Variants in TRPM3 observed in about 807,000 individuals in gnomAD.
TRPM3 encodes transient receptor potential cation channel subfamily M member 3.
TRPM3 carries 77 observed loss-of-function variants against 181.2 expected under a neutral mutation model. That is an observed-to-expected ratio of 0.42 (90% CI 0.35 to 0.51). The LOEUF (loss-of-function observed/expected upper bound fraction) is 0.51, where lower values mean the gene tolerates loss of function less well. Ranked by LOEUF, TRPM3 falls within the 20% of genes least tolerant of loss-of-function variation. TRPM3 has a pLI of 0.01. For synonymous variants in TRPM3, 745 were observed against 796.4 expected, an observed-to-expected ratio of 0.94 and a Z score of 1.09; for missense variants, 1,759 against 2,196.7, an observed-to-expected ratio of 0.80 and a Z score of 3.98.
chr9:71,281,943 C>A (rs2084742713), intron 1 of TRPM3, among the ~76,000 whole-genome samples: 1 of 152,090 alleles, frequency 6.6e-6, no homozygotes, highest in Non-Finnish European at 1.5e-5. Context: ...TGCCTGTAAT[C>A]CTGGCTACTC....
chr9:70,977,241 T>C (rs1380958945), intron 1 of TRPM3, among the ~76,000 whole-genome samples: 1 of 152,184 alleles, frequency 6.6e-6, no homozygotes, highest in African/African-American at 2.4e-5. Context: ...TTCAAGTGAT[T>C]CTCCTGCCTC....
chr9:71,197,333 G>A (rs1176388242), intron 1 of TRPM3, among the ~76,000 whole-genome samples: 1 of 152,034 alleles, frequency 6.6e-6, no homozygotes, highest in Non-Finnish European at 1.5e-5. Flanking sequence ...ATAAACATAC[G>A]TGTGCATGTG....
intron 1 of TRPM3, among the ~76,000 whole-genome samples, chr9:71,283,020 A>G (rs1453278626): frequency 1.3e-5 from 2 of 151,758 alleles, no homozygotes; most frequent in South Asian, 2.1e-4. Context: ...CCTTTCTTGG[A>G]CTCCTATCAA....
chr9:70,907,710 C>T (rs888794602), intron 1 of TRPM3, among the ~76,000 whole-genome samples: 3 of 152,080 alleles, frequency 2.0e-5, no homozygotes, highest in Admixed American at 6.5e-5. Flanking sequence ...CTTTCTTTAT[C>T]CCCCCTTTTC....
At chr9:70,819,592 A>C (rs777112929) in intron 6 of TRPM3, among the ~76,000 whole-genome samples, 1 of 152,234 alleles carries the variant, frequency 6.6e-6, no homozygotes, top group Non-Finnish European at 1.5e-5. Context: ...GCAAACTTTG[A>C]AAGTAGCAAA....
intron 9 of TRPM3, among the ~76,000 whole-genome samples, chr9:70,680,238 A>G (rs2065085787): frequency 6.6e-6 from 1 of 152,192 alleles, no homozygotes; most frequent in Non-Finnish European, 1.5e-5. Context: ...AACTTCCTGT[A>G]GCTCAACTTA....
intron 1 of TRPM3, among the ~76,000 whole-genome samples, chr9:71,267,819 T>C (rs115964475): frequency 6.6e-6 from 1 of 152,320 alleles, no homozygotes; most frequent in African/African-American, 2.4e-5. Context: ...CAGTGGATAA[T>C]ACGTGATGAG....
intron 9 of TRPM3, among the ~76,000 whole-genome samples, chr9:70,653,104 G>A (rs1048370307): frequency 1.3e-5 from 2 of 152,150 alleles, no homozygotes; most frequent in Non-Finnish European, 2.9e-5. Context: ...CATGATGGAT[G>A]AGATCCTAGA....
chr9:71,024,110 GA>G (rs1375736572), intron 1 of TRPM3, among the ~76,000 whole-genome samples: 3 of 152,054 alleles, frequency 2.0e-5, no homozygotes, highest in African/African-American at 7.2e-5. Flanking sequence ...TCAGGGAAAG[GA>G]TACACGAGAT....
chr9:71,135,886 T>C (rs1387509801), intron 1 of TRPM3, among the ~76,000 whole-genome samples: 4 of 152,238 alleles, frequency 2.6e-5, no homozygotes, highest in Non-Finnish European at 2.9e-5. Context: ...CATTATTTAT[T>C]GTTTGCTGAG....
At chr9:70,647,054 TC>T (rs2058978229) in intron 9 of TRPM3, among the ~76,000 whole-genome samples, 1 of 151,826 alleles carries the variant, frequency 6.6e-6, no homozygotes, top group Admixed American at 6.6e-5. Flanking sequence ...TAACAAAAAA[TC>T]TACCAACAAG....
chr9:70,532,174 A>G lies in TRPM3; in HGVS notation c.*3779T>C, dbSNP rs2040967872. The G allele has an allele frequency of 6.6e-6, 1 of 152,212 alleles. No homozygotes were observed. Among genetic ancestry groups the G allele is most frequent in the African/African-American group, 2.4e-5 (1 of 41,462 alleles). 9.4% of individuals were successfully genotyped at this position (152,212 alleles called of 1,614,324 possible). ...GATGGATGACCGGGTAATATTTATCATCTTTAAAGAAATTAAACAGCCCAA... is the reference window on the plus strand; with the variant it reads ...GATGGATGACCGGGTAATATTTATCGTCTTTAAAGAAATTAAACAGCCCAA... On this transcript the variant is annotated 3_prime_UTR_variant, in exon 26 of 26. Transcript: ENST00000677713.
chr9:70,760,697 C>T (rs1419458973), intron 8 of TRPM3: 2 of 147,730 alleles, frequency 1.4e-5, no homozygotes, highest in African/African-American at 5.0e-5. Flanking sequence ...ATTTTGCTAT[C>T]TCTCTCAGCA....
rs112707033 is a variant in TRPM3 at position 70,547,250 on chromosome 9, T to C, written c.3707+2292A>G. On this transcript the variant is annotated intron_variant, in intron 25 of 25. Coordinates refer to ENST00000677713, the MANE Select transcript of TRPM3 (RefSeq NM_001366145.2). ...ATAGAATATACACAGCTAATTTAGG[T>C]AAATTTAACCATATATACCTTTCCA... Among the ~76,000 whole-genome samples, 20 of 152,208 alleles carry C rather than the reference T, an allele frequency of 1.3e-4. 1 individual carries two copies. Among genetic ancestry groups the C allele is most frequent in the African/African-American group, 4.8e-4 (20 of 41,546 alleles).
chr9:71,394,852 T>C (rs2093152400), intron 1 of TRPM3, among the ~76,000 whole-genome samples: 1 of 152,222 alleles, frequency 6.6e-6, no homozygotes, highest in Non-Finnish European at 1.5e-5. Context: ...CTCCTGTTAC[T>C]TGGCATCATA....
At chr9:71,340,574 C>T (rs1565479082) in intron 1 of TRPM3, among the ~76,000 whole-genome samples, 1 of 152,070 alleles carries the variant, frequency 6.6e-6, no homozygotes, top group African/African-American at 2.4e-5. Flanking sequence ...TGTCTTTCAC[C>T]TTCCACCATG....
intron 1 of TRPM3, among the ~76,000 whole-genome samples, chr9:71,351,961 C>T (rs574056475): frequency 4.0e-5 from 6 of 151,056 alleles, no homozygotes; most frequent in South Asian, 2.1e-4. Flanking sequence ...CTGCAAGCTC[C>T]GCCTCCTGGG....
intron 1 of TRPM3, among the ~76,000 whole-genome samples, chr9:71,377,816 T>C (rs989448595): frequency 6.6e-6 from 1 of 152,048 alleles, no homozygotes; most frequent in Admixed American, 6.6e-5. Flanking sequence ...TTTGTGAACA[T>C]ATTAAAAAAA....
intron 8 of TRPM3, among the ~76,000 whole-genome samples, chr9:70,739,843 A>G (rs1195059320): frequency 6.6e-6 from 1 of 151,994 alleles, no homozygotes; most frequent in Non-Finnish European, 1.5e-5. Context: ...GTCTCGAACT[A>G]CTGGCCTCAA....
Sources: allele counts gnomAD v4.1 joint callset (sites outside exome capture counted in the v4.1 genomes callset), GRCh38; gene constraint gnomAD v4.1.1; transcripts MANE v1.5; gene names NCBI Gene and HGNC (gene_info 2026-07-23, HGNC 2026-07-21).